KIF1A: variants seen among roughly 807,000 people sequenced by gnomAD.
KIF1A encodes the protein kinesin-like protein KIF1A.
Under a neutral mutation model 227.3 loss-of-function variants are expected in KIF1A, and 46 were observed. The observed-to-expected ratio is 0.20, with a 90% CI of 0.16 to 0.26. The LOEUF is 0.26. Ranked by LOEUF, KIF1A falls within the 10% of genes least tolerant of loss-of-function variation. KIF1A has a pLI of 1.00. For synonymous variants in KIF1A, 1,022 were observed against 1,012.8 expected (o/e 1.01, Z -0.17); for missense variants, 1,683 against 2,485.9 (o/e 0.68, Z 6.87).
At position 240,760,732 on chromosome 2, in the gene KIF1A, T is replaced by C. The variant is rs775052573; in HGVS notation, c.2377A>G (p.Ile793Val). Residue 793 changes from isoleucine to valine, a missense_variant, in exon 25 of 49, where the codon ATT becomes GTT. Physicochemically the swap from Ile to Val is conservative, Grantham distance 29. Coordinates refer to ENST00000498729, the MANE Select transcript of KIF1A (RefSeq NM_001244008.2). The part of the protein sequence containing the change: ...DRETRPFPRT[I>V]VAVEVQDQKN... ...TGGTCCTGGACCTCCACGGCCACAA[T>C]GGTGCGGGGGAAGGGCCGCGTCTCT... 6.3e-6 allele frequency: 10 copies of C among 1,591,790 alleles called. No homozygotes were observed. The highest frequency in any genetic ancestry group is 8.6e-6 in the Non-Finnish European group (10 of 1,168,818).
At chr2:240,718,643 G>A (rs2044862455) in intron 47 of KIF1A, among the ~76,000 whole-genome samples, 1 of 152,234 alleles carries the variant, frequency 6.6e-6, no homozygotes, top group African/African-American at 2.4e-5. Context: ...GGGCAGGAGG[G>A]CTCCTCTGAG....
In KIF1A at chr2:240,735,786, T is replaced by G. The variant is rs2047242350; in HGVS notation, c.4007+1277A>C. ...CGGGGAAGCCCCAAGCCCCGGCCCG[T>G]CCCACCTGGTCTGCCTCACCTCTCC... On this transcript the variant is annotated intron_variant, in intron 38 of 48. Transcript: ENST00000498729. Among the ~76,000 whole-genome samples the G allele has an allele frequency of 3.3e-5, 5 of 152,098 alleles. No homozygotes were observed. The South Asian group carries it at 1.0e-3, about 32-fold the overall frequency.
intron 33 of KIF1A, among the ~76,000 whole-genome samples, chr2:240,743,567 G>T (rs2048243977): frequency 6.6e-6 from 1 of 152,150 alleles, no homozygotes; most frequent in African/African-American, 2.4e-5. Flanking sequence ...AGGGAGCTAG[G>T]CCGGGCTTCC....
At position 240,757,253 on chromosome 2, in the gene KIF1A, C is replaced by T. The variant is rs187567085; in HGVS notation, c.2858+66G>A. 202 of 1,464,134 alleles carry T rather than the reference C, an allele frequency of 1.4e-4. No homozygotes were observed. In the African/African-American group the frequency reaches 2.4e-3, roughly 18 times the overall value. The allele number at this position is 1,464,134 out of a possible 1,614,324, so 90.7% of individuals were successfully genotyped here. A position where few individuals can be genotyped will look rare whatever the true frequency, so the allele number is the denominator to read the frequency against. On this transcript the variant is annotated intron_variant, in intron 27 of 48. Transcript: ENST00000498729. This position sits in a 1 kb window ranked among gnomAD's most constrained non-coding sequence, Gnocchi z 6.2. ...CCAGGCCCCAGCGGTTCCTCTGTGC[C>T]CGCAGCAGTGCTCCTGTGCAAAAGA...
intron 27 of KIF1A, among the ~76,000 whole-genome samples, chr2:240,756,572 A>AT (rs1322080532): frequency 6.6e-6 from 1 of 152,240 alleles, no homozygotes; most frequent in East Asian, 1.9e-4. Flanking sequence ...CCATGAGGGC[A>AT]TTGGGCCACA....
At position 240,760,659 on chromosome 2, in the gene KIF1A, C is replaced by A; in HGVS notation, c.2444+6G>T. The A allele has an allele frequency of 6.7e-7, 1 of 1,483,690 alleles. No individual in the cohort carries two copies. Among genetic ancestry groups the A allele is most frequent in the Admixed American group, 2.3e-5 (1 of 43,010 alleles). The allele number at this position is 1,483,690 out of a possible 1,614,324, so 91.9% of individuals were successfully genotyped here. A position where few individuals can be genotyped will look rare whatever the true frequency, so the allele number is the denominator to read the frequency against. ...CACCATCCACCCAGCGGCCCTCCAG[C>A]CCCACCTGAGCTTCTCCAGCGTCCA... On this transcript the variant is annotated splice_donor_region_variant and intron_variant, in intron 25 of 48. Transcript: ENST00000498729.
At chr2:240,753,516 C>T (rs999475267) in intron 27 of KIF1A, among the ~76,000 whole-genome samples, 4 of 152,172 alleles carry the variant, frequency 2.6e-5, no homozygotes, top group Non-Finnish European at 5.9e-5. Context: ...GAGGAGGAGG[C>T]CCAAGCCCCT....
Position 240,752,151 on chromosome 2 carries a change from G to A in KIF1A, c.2859-1604C>T, listed in dbSNP as rs1035337399. On this transcript the variant is annotated intron_variant, in intron 27 of 48. Transcript: ENST00000498729. The surrounding 1 kb of genome is among the most constrained non-coding windows in gnomAD (Gnocchi z 6.4). ...TTTTGGGCCCTCTCCCCAGCACAAC[G>A]CCCCCTCTGAAGATGCCCCCCGAGA... 1.3e-5 allele frequency among the ~76,000 whole-genome samples: 2 copies of A among 151,682 alleles called. No homozygotes were observed. The highest frequency in any genetic ancestry group is 2.9e-5 in the Non-Finnish European group (2 of 67,904).
chr2:240,788,042 G>T lies in KIF1A; in HGVS notation c.363+9C>A. The T allele has an allele frequency of 1.5e-6, 1 of 671,604 alleles. No homozygotes were observed. Among genetic ancestry groups the T allele is most frequent in the Non-Finnish European group, 2.1e-6 (1 of 467,972 alleles). 41.6% of individuals were successfully genotyped at this position (671,604 alleles called of 1,614,324 possible). ...CCAGGGCTGCCCCCGCCCGCCCCCC[G>T]CTTCGTGCCTGTGGGATGATGCCCT... On this transcript the variant is annotated intron_variant, in intron 4 of 48. Transcript: ENST00000498729. The surrounding 1 kb of genome is among the most constrained non-coding windows in gnomAD (Gnocchi z 6.6).
At chr2:240,810,215 T>C (rs13420888) in intron 1 of KIF1A, among the ~76,000 whole-genome samples, 1 of 152,058 alleles carries the variant, frequency 6.6e-6, no homozygotes, top group African/African-American at 2.4e-5. Context: ...GGAGAAGGTA[T>C]CTGCAACACA....
chr2:240,777,757 C>A (rs2052959303), intron 10 of KIF1A, among the ~76,000 whole-genome samples: 1 of 152,244 alleles, frequency 6.6e-6, no homozygotes, highest in Admixed American at 6.5e-5. Context: ...CCGGGAGGGA[C>A]CTCGGATCCT....
chr2:240,717,203 C>A lies in KIF1A; in HGVS notation c.*161G>T. The A allele has an allele frequency of 1.6e-6, 1 of 607,696 alleles. No individual in the cohort carries two copies. The highest frequency in any genetic ancestry group is 2.1e-5 in the South Asian group (1 of 47,880). The allele number at this position is 607,696 out of a possible 1,614,324, so 37.6% of individuals were successfully genotyped here. ...AGCCTCTGCTGGGAGCACAGCTGGT[C>A]GTGTGGCACAGGTCCCCGGGCCTGG... On this transcript the variant is annotated 3_prime_UTR_variant, in exon 49 of 49. Coordinates refer to ENST00000498729, the MANE Select transcript of KIF1A (RefSeq NM_001244008.2).
Position 240,773,269 on chromosome 2 carries a change from G to C in KIF1A, c.1038-13C>G, listed in dbSNP as rs1407985726. 2 of 1,613,658 alleles carry C rather than the reference G, an allele frequency of 1.2e-6. No individual in the cohort carries two copies. Among genetic ancestry groups the C allele is most frequent in the African/African-American group, 2.7e-5 (2 of 74,940 alleles). On this transcript the variant is annotated splice_polypyrimidine_tract_variant and intron_variant, in intron 12 of 48. Transcript: ENST00000498729. ...CCGGTCAGCATACCTGGGTGGCAGA[G>C]GGGGCTGTGGGCTGTGCTCGGGACA...
At chr2:240,750,325 A>G (rs2049065614) in intron 28 of KIF1A, 104 bp downstream of exon 28, 1 of 774,108 alleles carries the variant, frequency 1.3e-6, no homozygotes, top group Non-Finnish European at 2.1e-6. Flanking sequence ...ACTAACCACT[A>G]CATGATGCCA....
intron 28 of KIF1A, among the ~76,000 whole-genome samples, chr2:240,749,492 G>A (rs1367893750): frequency 6.6e-6 from 1 of 152,168 alleles, no homozygotes; most frequent in Non-Finnish European, 1.5e-5. Flanking sequence ...CCTCCCTAGG[G>A]TGCCCAGGCA....
chr2:240,733,177 C>T (rs1425513513), intron 38 of KIF1A, among the ~76,000 whole-genome samples: 3 of 151,934 alleles, frequency 2.0e-5, no homozygotes, highest in Admixed American at 6.5e-5. Flanking sequence ...TCAATGAGTG[C>T]GTGGGTGAAT....
In KIF1A at chr2:240,740,971, C is replaced by A. The variant is rs1376354000; in HGVS notation, c.3749+298G>T. 2.0e-5 allele frequency among the ~76,000 whole-genome samples: 3 copies of A among 152,158 alleles called. No individual in the cohort carries two copies. The highest frequency in any genetic ancestry group is 2.9e-5 in the Non-Finnish European group (2 of 68,024). ...TTTGTAAGTGCTGTCTGCCTCCCTG[C>A]CCTGCCCCTGAGCCATACCCTGGTT... On this transcript the variant is annotated intron_variant, in intron 35 of 48. Transcript: ENST00000498729. The surrounding 1 kb of genome is among the most constrained non-coding windows in gnomAD (Gnocchi z 6.1).
intron 10 of KIF1A, among the ~76,000 whole-genome samples, chr2:240,777,228 T>C (rs1035735835): frequency 2.0e-5 from 3 of 152,064 alleles, no homozygotes; most frequent in Non-Finnish European, 4.4e-5. Context: ...ATTTTTAAAG[T>C]AGAGACAGGG....
Position 240,757,700 on chromosome 2 carries a change from A to C in KIF1A, c.2583-106T>G. Reference sequence around the variant, plus strand: ...GGGCTTCTGTTTAAAACCAAAACCAAACACACAGACCATCGAGAATGCTGC... The same window carrying C: ...GGGCTTCTGTTTAAAACCAAAACCACACACACAGACCATCGAGAATGCTGC... On this transcript the variant is annotated intron_variant, in intron 26 of 48. Transcript: ENST00000498729. This position sits in a 1 kb window ranked among gnomAD's most constrained non-coding sequence, Gnocchi z 6.2. 12 of 1,037,044 alleles carry C rather than the reference A, an allele frequency of 1.2e-5. No homozygotes were observed. The highest frequency in any genetic ancestry group is 2.6e-5 in the East Asian group (1 of 38,076). 64.2% of individuals were successfully genotyped at this position (1,037,044 alleles called of 1,614,324 possible).
Sources: allele counts gnomAD v4.1 joint callset (sites outside exome capture counted in the v4.1 genomes callset), GRCh38; gene constraint gnomAD v4.1.1; non-coding constraint Gnocchi (gnomAD v3.1); transcripts MANE v1.5; gene names NCBI Gene and HGNC (gene_info 2026-07-23, HGNC 2026-07-21).